TMPPE: variants seen among roughly 807,000 people sequenced by gnomAD.
TMPPE encodes the protein transmembrane protein with metallophosphoesterase domain.
A neutral mutation model predicts 22.6 loss-of-function variants in TMPPE; 16 were observed. The observed-to-expected ratio is 0.71, with a 90% CI of 0.48 to 1.08. The LOEUF is 1.08. TMPPE is among the 50% of genes least tolerant of loss of function. The probability of loss-of-function intolerance (pLI) is 0.00; values close to 1 mark genes in which losing one functional copy is unlikely to be tolerated. For synonymous variants in TMPPE, 240 were observed against 245.3 expected, an observed-to-expected ratio of 0.98 and a Z score of 0.20; for missense variants, 526 against 584.3, an observed-to-expected ratio of 0.90 and a Z score of 1.03.
At position 33,091,872 on chromosome 3, in the gene TMPPE, T is replaced by A. The variant is rs1700778033; in HGVS notation, c.*962A>T. ...TTTCTAACACGGGTGCTTATCTCCA[T>A]CTCAGGATCAAAGGATCTATTGCTT... On this transcript the variant is annotated 3_prime_UTR_variant, in exon 2 of 2. Transcript: ENST00000342462. 1.0e-6 allele frequency: 1 copy of A among 985,402 alleles called. No homozygotes were observed. 61.0% of individuals were successfully genotyped at this position (985,402 alleles called of 1,614,324 possible).
rs897682192 is a variant in TMPPE at position 33,091,920 on chromosome 3, G to A, written c.*914C>T. The A allele has an allele frequency of 6.2e-5, 61 of 985,406 alleles. No homozygotes were observed. Among genetic ancestry groups the A allele is most frequent in the Middle Eastern group, 5.2e-4 (1 of 1,914 alleles). The allele number at this position is 985,406 out of a possible 1,614,324, so 61.0% of individuals were successfully genotyped here. On this transcript the variant is annotated 3_prime_UTR_variant, in exon 2 of 2. Coordinates refer to ENST00000342462, the MANE Select transcript of TMPPE (RefSeq NM_001039770.3). ...CTTCTGGCAAAAGGGCAAAAGCACC[G>A]CTTTTACTGGGAGGTACAAGACCTG... is the stretch of plus-strand genomic sequence containing the variant.
rs2125584096 is a variant in TMPPE at position 33,092,592 on chromosome 3, A to G, written c.*242T>C. Reference sequence around the variant, plus strand: ...GGAAAATAGAGGGGAGTGCTAATATATGTGACCTTAGTGATCTCACAAGTG... The same window carrying G: ...GGAAAATAGAGGGGAGTGCTAATATGTGTGACCTTAGTGATCTCACAAGTG... On this transcript the variant is annotated 3_prime_UTR_variant, in exon 2 of 2. Transcript: ENST00000342462. The G allele has an allele frequency of 7.6e-7, 1 of 1,316,110 alleles. No individual in the cohort carries two copies. The highest frequency in any genetic ancestry group is 9.7e-7 in the Non-Finnish European group (1 of 1,032,342). The allele number at this position is 1,316,110 out of a possible 1,614,324, so 81.5% of individuals were successfully genotyped here.
At position 33,091,046 on chromosome 3, in the gene TMPPE, C is replaced by T. The variant is rs1432700164; in HGVS notation, c.*1788G>A. The T allele has an allele frequency of 2.2e-5, 22 of 985,202 alleles. No homozygotes were observed. Among genetic ancestry groups the T allele is most frequent in the Non-Finnish European group, 2.4e-5 (20 of 829,926 alleles). 61.0% of individuals were successfully genotyped at this position (985,202 alleles called of 1,614,324 possible). A position where few individuals can be genotyped will look rare whatever the true frequency, so the allele number is the denominator to read the frequency against. ...AACAGGTGAGTCAAACATTACCAGC[C>T]GCATCAAACAGTGGAAGTGAAATGG... On this transcript the variant is annotated 3_prime_UTR_variant, in exon 2 of 2. Coordinates refer to ENST00000342462, the MANE Select transcript of TMPPE (RefSeq NM_001039770.3).
chr3:33,093,668 G>C lies in TMPPE; in HGVS notation c.528C>G (p.Leu176=). The change falls in exon 2 of 2, where the codon CTC becomes CTG. Residue 176 remains leucine (L), a synonymous_variant. Coordinates refer to ENST00000342462, the MANE Select transcript of TMPPE (RefSeq NM_001039770.3). This position sits in a 1 kb window ranked among gnomAD's most constrained non-coding sequence, Gnocchi z 6.0. ...PALAVGVTAV[L]SVAGILNAAQ... ...CGGCATTCAGAATCCCGGCCACGCT[G>C]AGCACAGCAGTCACTCCCACTGCCA... is the stretch of plus-strand genomic sequence containing the variant. 1 of 1,614,090 alleles carries C rather than the reference G, an allele frequency of 6.2e-7. No homozygotes were observed. Among genetic ancestry groups the C allele is most frequent in the Non-Finnish European group, 8.5e-7 (1 of 1,180,028 alleles).
In TMPPE at chr3:33,096,810, G is replaced by A. The variant is rs893900891; in HGVS notation, c.-200C>T. 43 of 1,361,210 alleles carry A rather than the reference G, an allele frequency of 3.2e-5. No homozygotes were observed. The highest frequency in any genetic ancestry group is 9.3e-5 in the African/African-American group (6 of 64,486). 84.3% of individuals were successfully genotyped at this position (1,361,210 alleles called of 1,614,324 possible). On this transcript the variant is annotated 5_prime_UTR_variant, in exon 1 of 2. Transcript: ENST00000342462. ...GCACAAGCGACCGAGCTGCCTGGAAGGACGCGCGCCCCGCCCGGCCCGCCC... is the reference window on the plus strand; with the variant it reads ...GCACAAGCGACCGAGCTGCCTGGAAAGACGCGCGCCCCGCCCGGCCCGCCC...
At chr3:33,095,685 TC>T (rs1700994020) in intron 1 of TMPPE, among the ~76,000 whole-genome samples, 1 of 152,118 alleles carries the variant, frequency 6.6e-6, no homozygotes. Context: ...GTCCACCTGT[TC>T]CTGGTTCATA....
At position 33,093,238 on chromosome 3, in the gene TMPPE, C is replaced by T. The variant is rs771652185; in HGVS notation, c.958G>A (p.Gly320Ser). The T allele has an allele frequency of 6.9e-5, 112 of 1,614,030 alleles. No homozygotes were observed. The highest frequency in any genetic ancestry group is 9.2e-5 in the Non-Finnish European group (109 of 1,180,002). The part of the protein sequence containing the change: ...TRAQRGGGGS[G>S]SGSEDEDWIC... ...CAGTCCTCATCCTCACTCCCACTGC[C>T]ACTGCCACCACCACCACGTTGGGCC... The change falls in exon 2 of 2, where the codon GGC becomes AGC. Residue 320 changes from glycine to serine, a missense_variant. Transcript: ENST00000342462. The surrounding 1 kb of genome is among the most constrained non-coding windows in gnomAD (Gnocchi z 6.0).
chr3:33,093,554 G>A lies in TMPPE; in HGVS notation c.642C>T (p.Asp214=). The A allele has an allele frequency of 3.7e-6, 6 of 1,614,228 alleles. No individual in the cohort carries two copies. Among genetic ancestry groups the A allele is most frequent in the Non-Finnish European group, 5.1e-6 (6 of 1,180,032 alleles). ...MNNLKIVLLS[D]IHLGPTVGRT... ...TGCCCACTGTGGGGCCCAAGTGAAT[G>A]TCTGAGAGGAGCACGATCTTGAGGT... Residue 214 remains aspartate, a synonymous_variant, in exon 2 of 2, where the codon GAC becomes GAT. Coordinates refer to ENST00000342462, the MANE Select transcript of TMPPE (RefSeq NM_001039770.3). This position sits in a 1 kb window ranked among gnomAD's most constrained non-coding sequence, Gnocchi z 6.0.
chr3:33,092,248 T>G lies in TMPPE; in HGVS notation c.*586A>C. 6.1e-6 allele frequency: 6 copies of G among 985,704 alleles called. No individual in the cohort carries two copies. The highest frequency in any genetic ancestry group is 7.2e-6 in the Non-Finnish European group (6 of 830,190). The allele number at this position is 985,704 out of a possible 1,614,324, so 61.1% of individuals were successfully genotyped here. A position where few individuals can be genotyped will look rare whatever the true frequency, so the allele number is the denominator to read the frequency against. On this transcript the variant is annotated 3_prime_UTR_variant, in exon 2 of 2. Coordinates refer to ENST00000342462, the MANE Select transcript of TMPPE (RefSeq NM_001039770.3). ...GAACAGGAGGAGCTTTGCATTCCAG[T>G]AGATTTTGCTGATGCCCTCAATAGA... is the stretch of plus-strand genomic sequence containing the variant.
chr3:33,094,588 G>A (rs1700922839), intron 1 of TMPPE, among the ~76,000 whole-genome samples: 1 of 152,146 alleles, frequency 6.6e-6, no homozygotes, highest in Admixed American at 6.5e-5. Flanking sequence ...TTCAAAGTGT[G>A]GTCTGGAGAG....
Position 33,094,095 on chromosome 3 carries a change from C to T in TMPPE, c.101G>A (p.Ser34Asn), listed in dbSNP as rs1700897908. The change falls in exon 2 of 2, where the codon AGC (serine) becomes AAC (asparagine). Residue 34 changes from serine (S) to asparagine (N), a missense_variant. Coordinates refer to ENST00000342462, the MANE Select transcript of TMPPE (RefSeq NM_001039770.3). ...MIASRSYLAE[S>N]LELRAWRWLL... ...CCAACGCCAGGCCCTGAGCTCAAGG[C>T]TCTCTGCCAGATACGAGCGGGAGGC... 1 of 1,614,254 alleles carries T rather than the reference C, an allele frequency of 6.2e-7. No homozygotes were observed. The highest frequency in any genetic ancestry group is 8.5e-7 in the Non-Finnish European group (1 of 1,180,052).
chr3:33,093,151 T>C lies in TMPPE; in HGVS notation c.1045A>G (p.Met349Val). The change falls in exon 2 of 2, where the codon ATG becomes GTG. Residue 349 changes from methionine to valine, a missense_variant. Coordinates refer to ENST00000342462, the MANE Select transcript of TMPPE (RefSeq NM_001039770.3). This position sits in a 1 kb window ranked among gnomAD's most constrained non-coding sequence, Gnocchi z 6.0. ...CCCTCCAGGGCCTTGTCAAGATCCA[T>C]GCCATGGCCAGAGTAGTGCAGGATG... ...ADILHYSGHG[M>V]DLDKALEGCS... 1 of 1,614,178 alleles carries C rather than the reference T, an allele frequency of 6.2e-7. No homozygotes were observed. Among genetic ancestry groups the C allele is most frequent in the South Asian group, 1.1e-5 (1 of 91,088 alleles).
chr3:33,095,837 G>C (rs1402650384), intron 1 of TMPPE, among the ~76,000 whole-genome samples: 1 of 152,166 alleles, frequency 6.6e-6, no homozygotes, highest in African/African-American at 2.4e-5. Context: ...GGCTAGCTCT[G>C]ACTCCTAAGG....
intron 1 of TMPPE, 54 bp from the exon 2 acceptor site, chr3:33,094,357 C>A: frequency 1.4e-6 from 2 of 1,386,318 alleles, no homozygotes; most frequent in East Asian, 2.6e-5. Flanking sequence ...TCCTTGTACC[C>A]ATTCAAAACT....
rs141049217 is a variant in TMPPE, at chr3:33,094,953, A to G, written c.-108-650T>C. Reference sequence around the variant, plus strand: ...GGGCTGGGCACAGTGGCTGACGCCTATAATTCCAGCACTTTGGGAGGCCGA... The same window carrying G: ...GGGCTGGGCACAGTGGCTGACGCCTGTAATTCCAGCACTTTGGGAGGCCGA... On this transcript the variant is annotated intron_variant, in intron 1 of 1. Transcript: ENST00000342462. Among the ~76,000 whole-genome samples the G allele has an allele frequency of 2.2e-3, 335 of 152,304 alleles. 7 individuals are homozygous for G. In the South Asian group the frequency reaches 0.041, roughly 19 times the overall value.
At position 33,092,135 on chromosome 3, in the gene TMPPE, C is replaced by T. The variant is rs993006570; in HGVS notation, c.*699G>A. The T allele has an allele frequency of 1.0e-4, 101 of 985,344 alleles. No individual in the cohort carries two copies. The highest frequency in any genetic ancestry group is 1.1e-4 in the Non-Finnish European group (92 of 830,080). 61.0% of individuals were successfully genotyped at this position (985,344 alleles called of 1,614,324 possible). A position where few individuals can be genotyped will look rare whatever the true frequency, so the allele number is the denominator to read the frequency against. Reference sequence around the variant, plus strand: ...TAAGCAGCCATGTTCTCACCATCACCGACCATGGCGCCCACCGTTCTTCTC... The same window carrying T: ...TAAGCAGCCATGTTCTCACCATCACTGACCATGGCGCCCACCGTTCTTCTC... On this transcript the variant is annotated 3_prime_UTR_variant, in exon 2 of 2. Coordinates refer to ENST00000342462, the MANE Select transcript of TMPPE (RefSeq NM_001039770.3).
At position 33,090,911 on chromosome 3, in the gene TMPPE, G is replaced by A. The variant is rs181831538; in HGVS notation, c.*1923C>T. 78 of 985,318 alleles carry A rather than the reference G, an allele frequency of 7.9e-5. No homozygotes were observed. The East Asian group carries it at 6.6e-3, about 83-fold the overall frequency. 61.0% of individuals were successfully genotyped at this position (985,318 alleles called of 1,614,324 possible). ...ATGGCATTCAAGAGAAAGAAAAGAGGTAAGGATGCAAAATTAAAAAAAAAA... is the reference window on the plus strand; with the variant it reads ...ATGGCATTCAAGAGAAAGAAAAGAGATAAGGATGCAAAATTAAAAAAAAAA... On this transcript the variant is annotated 3_prime_UTR_variant, in exon 2 of 2. Coordinates refer to ENST00000342462, the MANE Select transcript of TMPPE (RefSeq NM_001039770.3).
rs1356421069 is a variant in TMPPE at position 33,093,613 on chromosome 3, C to A, written c.583G>T (p.Val195Leu). Residue 195 changes from valine (V) to leucine (L), a missense_variant, in exon 2 of 2, where the codon GTG becomes TTG. Coordinates refer to ENST00000342462, the MANE Select transcript of TMPPE (RefSeq NM_001039770.3). The surrounding 1 kb of genome is among the most constrained non-coding windows in gnomAD (Gnocchi z 6.0). ...GAGGCAGGCAGCTGATGGATGGGCA[C>A]CTCCACAGTTTTCACAGCCGGGGGC... ...AQPPAVKTVEVPIHQLPASMN... is the reference protein window; with the variant it reads ...AQPPAVKTVELPIHQLPASMN... 6.2e-7 allele frequency: 1 copy of A among 1,614,180 alleles called. No individual in the cohort carries two copies. The highest frequency in any genetic ancestry group is 8.5e-7 in the Non-Finnish European group (1 of 1,180,030).
rs1162875571 is a variant in TMPPE at position 33,090,701 on chromosome 3, A to T, written c.*2133T>A. 2.0e-6 allele frequency: 2 copies of T among 985,452 alleles called. No individual in the cohort carries two copies. The highest frequency in any genetic ancestry group is 2.4e-6 in the Non-Finnish European group (2 of 829,930). The allele number at this position is 985,452 out of a possible 1,614,324, so 61.0% of individuals were successfully genotyped here. On this transcript the variant is annotated 3_prime_UTR_variant, in exon 2 of 2. Transcript: ENST00000342462. ...CCTGCCCACCAGGGCCAGAATCTGG[A>T]CAGTGATGGAGAAATTTCTGCTGCA...
Sources: gnomAD v4.1 joint callset for allele counts (sites outside exome capture counted in the v4.1 genomes callset) on GRCh38, gnomAD v4.1.1 for gene constraint, Gnocchi (gnomAD v3.1) non-coding constraint, MANE v1.5 for transcripts, NCBI Gene and HGNC (gene_info 2026-07-23, HGNC 2026-07-21) for gene names.